The following RALGAPA2 variants were observed in gnomAD, a reference collection of about 807,000 sequenced individuals.
RALGAPA2 encodes the protein Ral GTPase activating protein catalytic subunit alpha 2.
In RALGAPA2, 139 loss-of-function variants were observed where a neutral mutation model predicts 230.4. The ratio of observed to expected loss-of-function variants is 0.60; its 90% CI spans 0.53 to 0.69. RALGAPA2 has a LOEUF of 0.69. Ranked by LOEUF, RALGAPA2 falls within the 30% of genes least tolerant of loss-of-function variation. The pLI is 0.00. For synonymous variants in RALGAPA2, 847 were observed against 837.8 expected (o/e 1.01, Z -0.19); for missense variants, 2,163 against 2,276.0 (o/e 0.95, Z 1.01).
At chr20:20,673,035 A>T (rs1388775841) in intron 3 of RALGAPA2, among the ~76,000 whole-genome samples, 3 of 151,908 alleles carry the variant, frequency 2.0e-5, no homozygotes, top group Non-Finnish European at 4.4e-5. Flanking sequence ...ATACAAAAAA[A>T]TTAGCTGGGT....
intron 3 of RALGAPA2, chr20:20,659,805 A>G: frequency 3.5e-6 from 3 of 869,274 alleles, no homozygotes; most frequent in Non-Finnish European, 5.4e-6. Context: ...AGGAAAAAAC[A>G]GAACAAGACA....
At chr20:20,463,822 C>T (rs1354117241) in intron 37 of RALGAPA2, among the ~76,000 whole-genome samples, 1 of 152,188 alleles carries the variant, frequency 6.6e-6, no homozygotes, top group Non-Finnish European at 1.5e-5. Flanking sequence ...CTTAGCAATC[C>T]TAGCAGCACT....
chr20:20,602,624 T>C (rs1015587479), intron 15 of RALGAPA2, among the ~76,000 whole-genome samples: 7 of 152,378 alleles, frequency 4.6e-5, no homozygotes, highest in African/African-American at 1.4e-4. Flanking sequence ...CAAGTGTTTC[T>C]ATAATAAATA....
intron 3 of RALGAPA2, among the ~76,000 whole-genome samples, chr20:20,672,849 A>G (rs192556232): frequency 6.6e-6 from 1 of 152,344 alleles, no homozygotes. Flanking sequence ...CTTCAACTAG[A>G]TATTTTGTAA....
intron 8 of RALGAPA2, among the ~76,000 whole-genome samples, chr20:20,636,818 G>A (rs998252248): frequency 6.6e-6 from 1 of 152,128 alleles, no homozygotes; most frequent in Non-Finnish European, 1.5e-5. Context: ...AAAAACATTA[G>A]GAGCCAAATT....
chr20:20,601,992 C>A lies in RALGAPA2; in HGVS notation c.2039-146G>T. The A allele has an allele frequency of 3.0e-6, 2 of 667,856 alleles. 1 individual carries two copies. Among genetic ancestry groups the A allele is most frequent in the Non-Finnish European group, 4.5e-6 (2 of 447,364 alleles). The allele number at this position is 667,856 out of a possible 1,614,324, so 41.4% of individuals were successfully genotyped here. On this transcript the variant is annotated intron_variant, in intron 15 of 39. Transcript: ENST00000202677. ...AATTAAGTACCACTTCCTTACACTG[C>A]AATTTAGGAAGTTGCTCATATGTCA... is the stretch of plus-strand genomic sequence containing the variant.
At chr20:20,411,743 A>G (rs1481562277) in intron 38 of RALGAPA2, among the ~76,000 whole-genome samples, 1 of 152,226 alleles carries the variant, frequency 6.6e-6, no homozygotes, top group Non-Finnish European at 1.5e-5. Context: ...GCTCAGCAAG[A>G]AACCCACACT....
chr20:20,680,323 G>C (rs2068474686), intron 2 of RALGAPA2, among the ~76,000 whole-genome samples: 1 of 152,218 alleles, frequency 6.6e-6, no homozygotes, highest in Non-Finnish European at 1.5e-5. Context: ...TTTAATAGTG[G>C]TTGCCTCTGC....
intron 37 of RALGAPA2, among the ~76,000 whole-genome samples, chr20:20,432,671 T>C (rs1409939182): frequency 1.3e-5 from 2 of 152,158 alleles, no homozygotes; most frequent in Non-Finnish European, 2.9e-5. Context: ...GGAAAATACA[T>C]TCCACCATGC....
intron 20 of RALGAPA2, among the ~76,000 whole-genome samples, chr20:20,573,285 A>G (rs892124349): frequency 3.9e-5 from 6 of 152,192 alleles, no homozygotes; most frequent in Admixed American, 2.0e-4. Context: ...CTAAGACATG[A>G]CATAACAGTT....
intron 37 of RALGAPA2, among the ~76,000 whole-genome samples, chr20:20,450,490 T>A (rs529602169): frequency 1.3e-5 from 2 of 152,236 alleles, no homozygotes; most frequent in South Asian, 4.1e-4. Flanking sequence ...TTGCTTCACT[T>A]TCTGAAAGCT....
intron 37 of RALGAPA2, among the ~76,000 whole-genome samples, chr20:20,448,481 A>C (rs905187110): frequency 6.6e-6 from 1 of 152,216 alleles, no homozygotes; most frequent in African/African-American, 2.4e-5. Context: ...CCAACAAAAC[A>C]CCTCTAAATC....
At chr20:20,696,418 C>T (rs1358570473) in intron 1 of RALGAPA2, among the ~76,000 whole-genome samples, 1 of 152,108 alleles carries the variant, frequency 6.6e-6, no homozygotes, top group African/African-American at 2.4e-5. Flanking sequence ...GCAAGCTAAC[C>T]AAGCAAGTGT....
chr20:20,405,313 C>G (rs909396066), intron 38 of RALGAPA2, among the ~76,000 whole-genome samples: 2 of 152,148 alleles, frequency 1.3e-5, no homozygotes, highest in Non-Finnish European at 2.9e-5. Flanking sequence ...GTGTGTGGCT[C>G]ACGAGTGTCT....
At position 20,505,546 on chromosome 20, in the gene RALGAPA2, T is replaced by C; in HGVS notation, c.4929-12A>G. 6.4e-7 allele frequency: 1 copy of C among 1,550,414 alleles called. No individual in the cohort carries two copies. Among genetic ancestry groups the C allele is most frequent in the South Asian group, 1.2e-5 (1 of 80,776 alleles). ...TGTGTGTCTCACGGCTATAAATTTT[T>C]AAATTTAAAGGAGTTAGAATTCTTA... On this transcript the variant is annotated splice_polypyrimidine_tract_variant and intron_variant, in intron 33 of 39. Transcript: ENST00000202677.
At chr20:20,603,712 A>G (rs1238450951) in intron 15 of RALGAPA2, among the ~76,000 whole-genome samples, 1 of 152,192 alleles carries the variant, frequency 6.6e-6, no homozygotes, top group African/African-American at 2.4e-5. Flanking sequence ...GACTGCAAAC[A>G]CAGAAGCAAA....
chr20:20,444,869 T>C (rs1271624181), intron 37 of RALGAPA2, among the ~76,000 whole-genome samples: 1 of 152,206 alleles, frequency 6.6e-6, no homozygotes, highest in Non-Finnish European at 1.5e-5. Context: ...GTAATTCGTG[T>C]TTTAAACTGC....
intron 23 of RALGAPA2, among the ~76,000 whole-genome samples, chr20:20,560,417 TC>T (rs1312925088): frequency 6.6e-6 from 1 of 152,230 alleles, no homozygotes; most frequent in Admixed American, 6.5e-5. Context: ...AAAACAATGT[TC>T]TCTCTAAAAT....
intron 1 of RALGAPA2, among the ~76,000 whole-genome samples, chr20:20,706,033 C>A (rs2069588914): frequency 6.6e-6 from 1 of 152,190 alleles, no homozygotes; most frequent in East Asian, 1.9e-4. Flanking sequence ...AACCAAAAAT[C>A]AGTACTCTAC....
Sources: gnomAD v4.1 joint callset for allele counts (sites outside exome capture counted in the v4.1 genomes callset) on GRCh38, gnomAD v4.1.1 for gene constraint, MANE v1.5 for transcripts, NCBI Gene and HGNC (gene_info 2026-07-23, HGNC 2026-07-21) for gene names.